Variants in IKZF2 observed in about 807,000 individuals in gnomAD.
The protein encoded by IKZF2 is IKAROS family zinc finger 2.
Under a neutral mutation model 49.2 loss-of-function variants are expected in IKZF2, and 15 were observed. That is an observed-to-expected ratio of 0.30 (90% CI 0.20 to 0.47). The LOEUF is 0.47. IKZF2 is among the 20% of genes least tolerant of loss of function. The probability of loss-of-function intolerance (pLI) is 1.00; values close to 1 mark genes in which losing one functional copy is unlikely to be tolerated. For missense variants in IKZF2, 567 were observed against 664.6 expected (o/e 0.85, Z 1.61); for synonymous variants, 227 against 221.4 (o/e 1.03, Z -0.23).
chr2:213,074,476 C>A (rs1185529015), intron 4 of IKZF2, among the ~76,000 whole-genome samples: 1 of 152,104 alleles, frequency 6.6e-6, no homozygotes, highest in Admixed American at 6.6e-5. Flanking sequence ...TATGGCATCA[C>A]CGCTGTATAT....
intron 5 of IKZF2, 99 bp from the exon 6 acceptor site, chr2:213,049,979 A>T: frequency 1.3e-6 from 1 of 786,628 alleles, no homozygotes; most frequent in Non-Finnish European, 1.8e-6. Flanking sequence ...TATGCTAAAA[A>T]TGTTCATCTC....
Position 213,077,895 on chromosome 2 carries a change from T to G in IKZF2, c.140-20796A>C, listed in dbSNP as rs566368142. Among the ~76,000 whole-genome samples, 9 of 152,296 alleles carry G rather than the reference T, an allele frequency of 5.9e-5. 1 individual carries two copies. The South Asian group carries it at 1.9e-3, about 32-fold the overall frequency. ...GAGCCACCGCACCCGGCCTATTCTA[T>G]GTACTTATTTTTTTTAATCATGTTT... On this transcript the variant is annotated intron_variant, in intron 4 of 8. Transcript: ENST00000434687.
intron 4 of IKZF2, among the ~76,000 whole-genome samples, chr2:213,082,106 T>C (rs1247637077): frequency 1.3e-5 from 2 of 152,186 alleles, no homozygotes; most frequent in Non-Finnish European, 2.9e-5. Context: ...TGATGAAATA[T>C]CTAGGATTTT....
At chr2:213,108,496 A>G (rs987053941) in intron 4 of IKZF2, among the ~76,000 whole-genome samples, 2 of 152,114 alleles carry the variant, frequency 1.3e-5, no homozygotes, top group African/African-American at 4.8e-5. Context: ...TACTGAACTG[A>G]TATGACCTGA....
intron 7 of IKZF2, 79 bp from the exon 8 acceptor site, chr2:213,014,013 G>T: frequency 7.4e-7 from 1 of 1,343,824 alleles, no homozygotes; most frequent in Non-Finnish European, 1.1e-6. Flanking sequence ...ATGCCATCTC[G>T]ATATGTGTTA....
At chr2:213,147,561 G>T (rs775604818) in intron 4 of IKZF2, 147 bp downstream of exon 4, 1 of 747,518 alleles carries the variant, frequency 1.3e-6, no homozygotes, top group African/African-American at 1.7e-5. Context: ...AGAATGAACA[G>T]GAATAAATCT....
intron 6 of IKZF2, among the ~76,000 whole-genome samples, chr2:213,048,812 A>C (rs1342481792): frequency 6.6e-6 from 1 of 152,076 alleles, no homozygotes; most frequent in African/African-American, 2.4e-5. Context: ...TACAATAAGC[A>C]TTATCTCACA....
chr2:213,128,079 T>G (rs946255327), intron 4 of IKZF2, among the ~76,000 whole-genome samples: 1 of 152,190 alleles, frequency 6.6e-6, no homozygotes, highest in African/African-American at 2.4e-5. Context: ...GGATGCAAAC[T>G]TGTTTTGTTT....
intron 6 of IKZF2, among the ~76,000 whole-genome samples, chr2:213,025,435 C>T (rs1325151963): frequency 6.6e-6 from 1 of 152,134 alleles, no homozygotes; most frequent in African/African-American, 2.4e-5. Context: ...TAGCTGTCTC[C>T]TCTGCTCTCA....
intron 4 of IKZF2, among the ~76,000 whole-genome samples, chr2:213,085,739 T>C (rs1289622531): frequency 2.0e-5 from 3 of 152,184 alleles, no homozygotes; most frequent in Admixed American, 2.0e-4. Context: ...TGCCAGACAA[T>C]GCATGCACTC....
chr2:213,012,463 CA>C (rs1439079267), intron 8 of IKZF2, among the ~76,000 whole-genome samples: 3 of 151,654 alleles, frequency 2.0e-5, no homozygotes, highest in Non-Finnish European at 4.4e-5. Flanking sequence ...TGACATCCAA[CA>C]AAAAAATCAA....
intron 4 of IKZF2, among the ~76,000 whole-genome samples, chr2:213,069,130 A>C (rs927248647): frequency 1.3e-5 from 2 of 152,026 alleles, no homozygotes; most frequent in African/African-American, 4.8e-5. Context: ...TTTCCTCCCC[A>C]TCTGGGACTA....
chr2:213,056,695 A>T, intron 5 of IKZF2, 138 bp downstream of exon 5: 1 of 1,016,850 alleles, frequency 9.8e-7, no homozygotes, highest in Non-Finnish European at 1.5e-6. Context: ...GTTTTTCTGC[A>T]ATCCAATACT....
At chr2:213,079,471 G>A (rs1703669076) in intron 4 of IKZF2, among the ~76,000 whole-genome samples, 1 of 118,844 alleles carries the variant, frequency 8.4e-6, no homozygotes, top group South Asian at 2.6e-4. Flanking sequence ...AAGGAAAGGA[G>A]GGAGGGGGAG....
chr2:213,007,820 T>A lies in IKZF2; in HGVS notation c.1121A>T (p.Asp374Val). The A allele has an allele frequency of 6.2e-7, 1 of 1,613,682 alleles. No individual in the cohort carries two copies. The change falls in exon 9 of 9, where the codon GAT (aspartate) becomes GTT (valine). Residue 374 changes from aspartate (D) to valine (V), a missense_variant. Asp to Val is a radical substitution (Grantham distance 152). This residue lies in a region of IKZF2 where 310 missense variants were observed against 326.9 expected (regional missense o/e 0.95). Transcript: ENST00000434687. Reference sequence around the variant, plus strand: ...GCCATCCATGTTGTTTTCATGACTATCAGCAGTTTCCCTGCTAATGGGTCT... The same window carrying A: ...GCCATCCATGTTGTTTTCATGACTAACAGCAGTTTCCCTGCTAATGGGTCT... ...IERPISRETA[D>V]SHENNMDGPI...
chr2:213,032,957 G>C (rs897466565), intron 6 of IKZF2, among the ~76,000 whole-genome samples: 1 of 152,162 alleles, frequency 6.6e-6, no homozygotes, highest in African/African-American at 2.4e-5. Flanking sequence ...TATTTGATAC[G>C]ATTTTACCCA....
intron 4 of IKZF2, among the ~76,000 whole-genome samples, chr2:213,058,408 G>A (rs1042562328): frequency 3.9e-5 from 6 of 152,000 alleles, no homozygotes; most frequent in African/African-American, 7.2e-5. Flanking sequence ...TAATGGTACC[G>A]ACTTCCTATG....
chr2:213,066,761 A>G (rs1314671985), intron 4 of IKZF2, among the ~76,000 whole-genome samples: 1 of 152,102 alleles, frequency 6.6e-6, no homozygotes, highest in Admixed American at 6.6e-5. Context: ...ACTCCTAATG[A>G]ATGAATGAGC....
intron 6 of IKZF2, among the ~76,000 whole-genome samples, chr2:213,039,042 A>G (rs181936174): frequency 6.6e-6 from 1 of 152,166 alleles, no homozygotes; most frequent in Non-Finnish European, 1.5e-5. Flanking sequence ...GAAGATATGA[A>G]GAAGACCATC....
Sources: gnomAD v4.1 joint callset for allele counts (sites outside exome capture counted in the v4.1 genomes callset) on GRCh38, gnomAD v4.1.1 for gene constraint, gnomAD v4.1.1 regional missense constraint, MANE v1.5 for transcripts, NCBI Gene and HGNC (gene_info 2026-07-23, HGNC 2026-07-21) for gene names.